The following SLC4A7 variants were observed in gnomAD, a reference collection of about 807,000 sequenced individuals.
SLC4A7 encodes sodium bicarbonate cotransporter 3.
In SLC4A7, 51 loss-of-function variants were observed where a neutral mutation model predicts 137.6. The observed-to-expected ratio is 0.37, with a 90% CI of 0.30 to 0.47. The LOEUF is 0.47. SLC4A7 is among the 20% of genes least tolerant of loss of function. The probability of loss-of-function intolerance (pLI) is 1.00; values close to 1 mark genes in which losing one functional copy is unlikely to be tolerated. For synonymous variants in SLC4A7, 542 were observed against 518.6 expected (o/e 1.05, Z -0.61); for missense variants, 1,247 against 1,525.4 (o/e 0.82, Z 3.04).
Position 27,397,451 on chromosome 3 carries a change from ACTCT to A in SLC4A7, c.2703+229_2703+232del, listed in dbSNP as rs538303425. ...CATCTTACCACAAATATTTTCATTCACTCTCTCTAATGGACCAGCGGTGATACTT... is the reference window on the plus strand; with the variant it reads ...CATCTTACCACAAATATTTTCATTCACTCTAATGGACCAGCGGTGATACTT... On this transcript the variant is annotated intron_variant, in intron 18 of 25. Coordinates refer to ENST00000454389, the MANE Select transcript of SLC4A7 (RefSeq NM_001321103.2). 1.3e-3 allele frequency among the ~76,000 whole-genome samples: 195 copies of A among 148,612 alleles called. 1 individual carries two copies. Among genetic ancestry groups the A allele is most frequent in the African/African-American group, 4.7e-3 (187 of 40,178 alleles).
intron 3 of SLC4A7, among the ~76,000 whole-genome samples, chr3:27,444,715 G>A (rs540796039): frequency 1.3e-5 from 2 of 152,038 alleles, no homozygotes; most frequent in South Asian, 4.1e-4. Flanking sequence ...CTATCCTTTT[G>A]AGCATAAATA....
chr3:27,441,126 C>T (rs1242945509), intron 3 of SLC4A7, among the ~76,000 whole-genome samples: 2 of 152,178 alleles, frequency 1.3e-5, no homozygotes, highest in African/African-American at 2.4e-5. Flanking sequence ...TTCACAGGTT[C>T]GAGGGTTTAG....
At chr3:27,395,573 G>A (rs1332662235) in intron 18 of SLC4A7, among the ~76,000 whole-genome samples, 1 of 152,064 alleles carries the variant, frequency 6.6e-6, no homozygotes, top group Non-Finnish European at 1.5e-5. Flanking sequence ...TGGGTGTCGG[G>A]GGCGGTTCCC....
At chr3:27,397,588 A>C (rs1224814047) in intron 18 of SLC4A7, 96 bp downstream of exon 18, 1 of 681,786 alleles carries the variant, frequency 1.5e-6, no homozygotes, top group Non-Finnish European at 2.6e-6. Context: ...AAGAGACTAC[A>C]TACTTTTAAA....
intron 1 of SLC4A7, among the ~76,000 whole-genome samples, chr3:27,479,042 C>T (rs1395565730): frequency 2.6e-5 from 4 of 151,946 alleles, no homozygotes; most frequent in Non-Finnish European, 4.4e-5. Flanking sequence ...AAACTAGAAC[C>T]TGTCTGTATT....
intron 22 of SLC4A7, among the ~76,000 whole-genome samples, chr3:27,386,993 G>C (rs2051025125): frequency 6.6e-6 from 1 of 152,044 alleles, no homozygotes; most frequent in South Asian, 2.1e-4. Flanking sequence ...ACCTGCTTAT[G>C]GTATTCAAGT....
At chr3:27,381,005 T>G (rs530528880) in intron 24 of SLC4A7, among the ~76,000 whole-genome samples, 1 of 152,360 alleles carries the variant, frequency 6.6e-6, no homozygotes, top group South Asian at 2.1e-4. Context: ...ATTTTCATCT[T>G]TTATAAGGGC....
chr3:27,461,988 C>T (rs2058727110), intron 1 of SLC4A7, among the ~76,000 whole-genome samples: 1 of 151,908 alleles, frequency 6.6e-6, no homozygotes, highest in Non-Finnish European at 1.5e-5. Context: ...CAAGTAATTC[C>T]CTTACGTAAA....
Position 27,376,726 on chromosome 3 carries a change from T to C in SLC4A7, c.*38A>G, listed in dbSNP as rs779726468. ...TGACATGATACGCACACATTACATA[T>C]GTATATATCTATATGTATAATGCCT... On this transcript the variant is annotated 3_prime_UTR_variant, in exon 26 of 26. Transcript: ENST00000454389. 1 of 1,172,974 alleles carries C rather than the reference T, an allele frequency of 8.5e-7. No homozygotes were observed. Among genetic ancestry groups the C allele is most frequent in the Non-Finnish European group, 1.3e-6 (1 of 785,210 alleles). The allele number at this position is 1,172,974 out of a possible 1,614,324, so 72.7% of individuals were successfully genotyped here.
intron 2 of SLC4A7, among the ~76,000 whole-genome samples, chr3:27,450,777 T>A (rs566570151): frequency 1.3e-5 from 2 of 152,232 alleles, no homozygotes; most frequent in African/African-American, 4.8e-5. Context: ...TTAATCTTTT[T>A]CTTTTTCTTT....
In SLC4A7 at chr3:27,484,079, C is replaced by G. The variant is rs998963421; in HGVS notation, c.48G>C (p.Arg16=). ...GCGGCGCCCTCACCCTGCTCGTTACCCGGGTGAGTAGCGGTCTCATCTGCT... is the reference window on the plus strand; with the variant it reads ...GCGGCGCCCTCACCCTGCTCGTTACGCGGGTGAGTAGCGGTCTCATCTGCT... ...AGEQMRPLLT[R]VTSRGPDEEA... The change falls in exon 1 of 26, where the codon CGG becomes CGC. Residue 16 remains arginine, a synonymous_variant. Transcript: ENST00000454389. The G allele has an allele frequency of 1.4e-6, 2 of 1,410,398 alleles. No individual in the cohort carries two copies. Among genetic ancestry groups the G allele is most frequent in the Non-Finnish European group, 1.9e-6 (2 of 1,078,394 alleles). The allele number at this position is 1,410,398 out of a possible 1,614,324, so 87.4% of individuals were successfully genotyped here.
At chr3:27,456,770 G>T (rs1361352259) in intron 1 of SLC4A7, 16 of 1,570,028 alleles carry the variant, frequency 1.0e-5, no homozygotes, top group Admixed American at 2.0e-5. Context: ...ATCTGATTTA[G>T]GTCACTGTGC....
chr3:27,475,598 T>C (rs1320318321), intron 1 of SLC4A7, among the ~76,000 whole-genome samples: 1 of 152,096 alleles, frequency 6.6e-6, no homozygotes, highest in African/African-American at 2.4e-5. Context: ...TAAGATAAAA[T>C]GAAAGGCCAA....
chr3:27,443,397 G>T (rs1244990966), intron 3 of SLC4A7, among the ~76,000 whole-genome samples: 4 of 151,844 alleles, frequency 2.6e-5, no homozygotes, highest in African/African-American at 9.7e-5. Flanking sequence ...ATTTGTGGGG[G>T]TTTTTTGTCC....
chr3:27,465,075 ATTGCC>A (rs1360402580), intron 1 of SLC4A7, among the ~76,000 whole-genome samples: 13 of 152,152 alleles, frequency 8.5e-5, no homozygotes, highest in African/African-American at 3.1e-4. Flanking sequence ...AGGTGGGCGG[ATTGCC>A]TGAGCTCTGG....
At chr3:27,435,933 G>A (rs1341123211) in intron 5 of SLC4A7, among the ~76,000 whole-genome samples, 2 of 152,106 alleles carry the variant, frequency 1.3e-5, no homozygotes, top group Non-Finnish European at 2.9e-5. Flanking sequence ...TAACACTACT[G>A]AAGAAATCTG....
At chr3:27,443,024 CTTTTTTTCTTTT>C (rs1430227092) in intron 3 of SLC4A7, among the ~76,000 whole-genome samples, 5 of 102,148 alleles carry the variant, frequency 4.9e-5, no homozygotes, top group African/African-American at 1.9e-4. Flanking sequence ...TCTCTTTTTT[CTTTTTTTCTTTT>C]TTTTTTTTTT....
At chr3:27,394,006 AT>A (rs1006024557) in intron 20 of SLC4A7, among the ~76,000 whole-genome samples, 11 of 151,798 alleles carry the variant, frequency 7.2e-5, no homozygotes, top group African/African-American at 2.7e-4. Context: ...TTATACATAT[AT>A]TTGCCATATT....
chr3:27,391,436 T>A (rs1211650180), intron 21 of SLC4A7, among the ~76,000 whole-genome samples: 1 of 152,258 alleles, frequency 6.6e-6, no homozygotes, highest in African/African-American at 2.4e-5. Flanking sequence ...CCAAAACTTT[T>A]TTTCAATACA....
Sources: gnomAD v4.1 joint callset for allele counts (sites outside exome capture counted in the v4.1 genomes callset) on GRCh38, gnomAD v4.1.1 for gene constraint, MANE v1.5 for transcripts, NCBI Gene and HGNC (gene_info 2026-07-23, HGNC 2026-07-21) for gene names.